CACNB4: variants seen among roughly 807,000 people sequenced by gnomAD.
CACNB4 encodes calcium voltage-gated channel auxiliary subunit beta 4.
A neutral mutation model predicts 71.2 loss-of-function variants in CACNB4; 32 were observed. The observed-to-expected ratio is 0.45, with a 90% confidence interval of 0.34 to 0.60. CACNB4 has a LOEUF of 0.60. Ranked by LOEUF, CACNB4 falls within the 20% of genes least tolerant of loss-of-function variation. The probability of loss-of-function intolerance (pLI) is 0.01; values close to 1 mark genes in which losing one functional copy is unlikely to be tolerated. For missense variants in CACNB4, 464 were observed against 647.9 expected (o/e 0.72, Z 3.08); for synonymous variants, 231 against 236.9 (o/e 0.97, Z 0.23).
chr2:152,090,070 T>C (rs1024232535), intron 2 of CACNB4, among the ~76,000 whole-genome samples: 10 of 152,158 alleles, frequency 6.6e-5, no homozygotes, highest in Admixed American at 6.5e-4. Flanking sequence ...GAGTCAGAGC[T>C]TCAGAAATGA....
At chr2:152,051,536 G>A (rs796068615) in intron 2 of CACNB4, among the ~76,000 whole-genome samples, 14 of 152,230 alleles carry the variant, frequency 9.2e-5, no homozygotes, top group African/African-American at 2.4e-4. Context: ...TGGGGTTAGC[G>A]TCCTTCTAAG....
At chr2:151,904,086 T>C (rs147832402) in intron 2 of CACNB4, among the ~76,000 whole-genome samples, 2 of 152,288 alleles carry the variant, frequency 1.3e-5, no homozygotes, top group Admixed American at 6.5e-5. Flanking sequence ...TTGCGTTCAA[T>C]AGAGAAAAAA....
intron 2 of CACNB4, among the ~76,000 whole-genome samples, chr2:151,960,444 C>T (rs1182304139): frequency 6.6e-6 from 1 of 152,154 alleles, no homozygotes; most frequent in Admixed American, 6.5e-5. Flanking sequence ...TCTACTTCCC[C>T]CGAGTTCGCC....
chr2:151,842,528 G>T (rs1292041340), intron 12 of CACNB4, among the ~76,000 whole-genome samples: 1 of 151,676 alleles, frequency 6.6e-6, no homozygotes, highest in Non-Finnish European at 1.5e-5. Context: ...AAGAGATGGG[G>T]TTTCACCATC....
At chr2:152,014,523 G>C (rs1683234541) in intron 2 of CACNB4, among the ~76,000 whole-genome samples, 1 of 151,734 alleles carries the variant, frequency 6.6e-6, no homozygotes, top group Non-Finnish European at 1.5e-5. Flanking sequence ...TTGAGGCCAG[G>C]AGTTCGAGAC....
In CACNB4 at chr2:152,098,878, G is replaced by T; in HGVS notation, c.63+71C>A. The T allele has an allele frequency of 8.2e-7, 1 of 1,219,632 alleles. No homozygotes were observed. The highest frequency in any genetic ancestry group is 1.1e-6 in the Non-Finnish European group (1 of 889,438). The allele number at this position is 1,219,632 out of a possible 1,614,324, so 75.6% of individuals were successfully genotyped here. A position where few individuals can be genotyped will look rare whatever the true frequency, so the allele number is the denominator to read the frequency against. ...CGCACGCCCGGCACGAAGGCGGGGC[G>T]CGCTAGGGCGGCGGAGGAGGTGTGA... On this transcript the variant is annotated intron_variant, in intron 1 of 13. Transcript: ENST00000539935. The surrounding 1 kb of genome is among the most constrained non-coding windows in gnomAD (Gnocchi z 5.3).
chr2:151,977,426 T>G (rs2099874012), intron 2 of CACNB4, among the ~76,000 whole-genome samples: 1 of 152,226 alleles, frequency 6.6e-6, no homozygotes, highest in Admixed American at 6.5e-5. Flanking sequence ...AGCTCTATTT[T>G]GTATCACAAG....
chr2:152,070,443 G>C (rs1487844993), intron 2 of CACNB4, among the ~76,000 whole-genome samples: 1 of 152,150 alleles, frequency 6.6e-6, no homozygotes, highest in Non-Finnish European at 1.5e-5. Context: ...ACCCAATCAA[G>C]TCAACATGGG....
chr2:152,035,649 C>A (rs868688712), intron 2 of CACNB4, among the ~76,000 whole-genome samples: 115 of 116,266 alleles, frequency 9.9e-4, no homozygotes, highest in African/African-American at 4.5e-3. Flanking sequence ...CTCTCTCTCT[C>A]TCTATATATA....
At chr2:151,968,691 A>G (rs1252417632) in intron 2 of CACNB4, 1 of 152,210 alleles carries the variant, frequency 6.6e-6, no homozygotes, top group Non-Finnish European at 1.5e-5. Context: ...ACCCTTTTAC[A>G]GAATGTCTTG....
chr2:152,085,315 T>C (rs561362326), intron 2 of CACNB4, among the ~76,000 whole-genome samples: 2 of 152,268 alleles, frequency 1.3e-5, no homozygotes, highest in African/African-American at 2.4e-5. Context: ...TTTGTTAAGA[T>C]GGTAAAATGA....
chr2:152,006,401 C>CTTTTT (rs60046879), intron 2 of CACNB4, among the ~76,000 whole-genome samples: 7 of 138,548 alleles, frequency 5.1e-5, no homozygotes, highest in African/African-American at 5.4e-5. Flanking sequence ...TCTTTTCTTT[C>CTTTTT]TTTTTTTTTT....
intron 2 of CACNB4, among the ~76,000 whole-genome samples, chr2:152,022,089 C>T (rs1049796795): frequency 6.6e-6 from 1 of 152,164 alleles, no homozygotes; most frequent in Non-Finnish European, 1.5e-5. Flanking sequence ...TCAAGTAAGC[C>T]TTGGGGAAAC....
chr2:152,039,811 G>C (rs1234745603), intron 2 of CACNB4, among the ~76,000 whole-genome samples: 1 of 152,164 alleles, frequency 6.6e-6, no homozygotes, highest in Non-Finnish European at 1.5e-5. Context: ...ATAGTCGAAG[G>C]CATGAAGTAA....
At chr2:152,026,057 GCCA>G (rs961111288) in intron 2 of CACNB4, among the ~76,000 whole-genome samples, 12 of 152,158 alleles carry the variant, frequency 7.9e-5, no homozygotes, top group African/African-American at 2.4e-4. Flanking sequence ...CAGGGCCGAG[GCCA>G]CCACAAGTCA....
intron 2 of CACNB4, among the ~76,000 whole-genome samples, chr2:151,959,775 C>G (rs2099869181): frequency 6.6e-6 from 1 of 152,012 alleles, no homozygotes; most frequent in South Asian, 2.1e-4. Context: ...AATTTCAAAA[C>G]CAAAGCAGAA....
At chr2:151,875,590 C>G (rs1457188710) in intron 5 of CACNB4, among the ~76,000 whole-genome samples, 1 of 147,770 alleles carries the variant, frequency 6.8e-6, no homozygotes, top group Non-Finnish European at 1.5e-5. Context: ...GCGCCCCTCA[C>G]CTCCCGGACG....
At chr2:152,097,967 G>A (rs1688363629) in intron 2 of CACNB4, among the ~76,000 whole-genome samples, 1 of 152,172 alleles carries the variant, frequency 6.6e-6, no homozygotes, top group South Asian at 2.1e-4. Context: ...GCCCCGAGGG[G>A]TCTGGTTACT....
At chr2:152,069,659 T>A (rs547666183) in intron 2 of CACNB4, among the ~76,000 whole-genome samples, 1 of 152,054 alleles carries the variant, frequency 6.6e-6, no homozygotes, top group Admixed American at 6.6e-5. Flanking sequence ...TTAACAGATA[T>A]ATAAATGAAA....
Sources: allele counts gnomAD v4.1 joint callset (sites outside exome capture counted in the v4.1 genomes callset), GRCh38; gene constraint gnomAD v4.1.1; non-coding constraint Gnocchi (gnomAD v3.1); transcripts MANE v1.5; gene names NCBI Gene and HGNC (gene_info 2026-07-23, HGNC 2026-07-21).